DAPK3: variants seen among roughly 807,000 people sequenced by gnomAD.
DAPK3 encodes death associated protein kinase 3, also known as death-associated protein kinase 3.
A neutral mutation model predicts 30.6 loss-of-function variants in DAPK3; 24 were observed. The observed-to-expected ratio is 0.78, with a 90% confidence interval of 0.57 to 1.10. DAPK3 has a LOEUF of 1.10. DAPK3 is among the 50% of genes least tolerant of loss of function. The pLI, the probability that DAPK3 is intolerant of heterozygous loss-of-function variation, is 0.00. For missense variants in DAPK3, 629 were observed against 657.3 expected, an observed-to-expected ratio of 0.96 and a Z score of 0.47; for synonymous variants, 341 against 284.0, an observed-to-expected ratio of 1.20 and a Z score of -2.02.
chr19:3,963,857 G>A lies in DAPK3; in HGVS notation c.602+14C>T. 3.9e-6 allele frequency: 6 copies of A among 1,556,218 alleles called. No homozygotes were observed. Among genetic ancestry groups the A allele is most frequent in the Non-Finnish European group, 5.3e-6 (6 of 1,130,342 alleles). On this transcript the variant is annotated intron_variant, in intron 5 of 8. Transcript: ENST00000545797. ...AATGCAGGGAGGCCCGGTGGGAGCA[G>A]GTGGTACACTCACCACATGTCCGCC... is the stretch of plus-strand genomic sequence containing the variant.
intron 2 of DAPK3, 38 bp from the exon 3 acceptor site, chr19:3,965,029 G>A: frequency 8.4e-7 from 1 of 1,194,498 alleles, no homozygotes; most frequent in Non-Finnish European, 1.2e-6. Context: ...GGTGGAGGAG[G>A]CGGAGGGAGT....
rs1365999138 is a variant in DAPK3, at chr19:3,959,195, G to A, written c.1271C>T (p.Ala424Val). 2.5e-6 allele frequency: 4 copies of A among 1,599,042 alleles called. No homozygotes were observed. Among genetic ancestry groups the A allele is most frequent in the Non-Finnish European group, 3.4e-6 (4 of 1,177,282 alleles). Residue 424 changes from alanine to valine, a missense_variant, in exon 9 of 9, where the codon GCC (alanine) becomes GTC (valine). Ala to Val is a moderately conservative substitution (Grantham distance 64). This residue lies in a region of DAPK3 where 323 missense variants were observed against 278.8 expected (regional missense o/e 1.16). Coordinates refer to ENST00000545797, the MANE Select transcript of DAPK3 (RefSeq NM_001348.3). ...SRLENRYEAL[A>V]KQVASEMRFV... ...GCGCATCTCGGAGGCTACTTGCTTG[G>A]CCAGCGCCTCGTAGCGGTTCTCCAG...
chr19:3,958,895 G>T lies in DAPK3; in HGVS notation c.*206C>A. The T allele has an allele frequency of 1.7e-6, 1 of 583,524 alleles. No homozygotes were observed. The highest frequency in any genetic ancestry group is 2.9e-5 in the East Asian group (1 of 34,396). 36.1% of individuals were successfully genotyped at this position (583,524 alleles called of 1,614,324 possible). A position where few individuals can be genotyped will look rare whatever the true frequency, so the allele number is the denominator to read the frequency against. The stretch of plus-strand genomic sequence containing the variant: ...GGGTGAAGGTGAAGGCCAGCGTGGA[G>T]GCTGTGTAGAGAAGCAGCCCCGTCC... On this transcript the variant is annotated 3_prime_UTR_variant, in exon 9 of 9. Transcript: ENST00000545797.
rs202008826 is a variant in DAPK3, at chr19:3,964,712, G to A, written c.342C>T (p.Asp114=). ...FLAEKESLTE[D]EATQFLKQIL... is the part of the protein sequence containing the mutation. Reference sequence around the variant, plus strand: ...TCTGCTTGAGGAACTGGGTGGCCTCGTCCTCCGTCAGCGACTCCTTCTCCG... The same window carrying A: ...TCTGCTTGAGGAACTGGGTGGCCTCATCCTCCGTCAGCGACTCCTTCTCCG... The change falls in exon 3 of 9, where the codon GAC becomes GAT. Residue 114 remains aspartate (D), a synonymous_variant. Coordinates refer to ENST00000545797, the MANE Select transcript of DAPK3 (RefSeq NM_001348.3). The A allele has an allele frequency of 8.1e-5, 131 of 1,612,360 alleles. No homozygotes were observed. In the South Asian group the frequency reaches 8.8e-4, roughly 11 times the overall value.
rs1248808528 is a variant in DAPK3, at chr19:3,964,725, G to A, written c.329C>T (p.Ser110Leu). ...CTGGGTGGCCTCGTCCTCCGTCAGC[G>A]ACTCCTTCTCCGCCAGGAAGTCAAA... The part of the protein sequence containing the change: ...ELFDFLAEKE[S>L]LTEDEATQFL... Residue 110 changes from serine to leucine, a missense_variant, in exon 3 of 9, where the codon TCG becomes TTG. Ser to Leu is a moderately radical substitution (Grantham distance 145). Transcript: ENST00000545797. The A allele has an allele frequency of 9.3e-6, 15 of 1,612,638 alleles. No homozygotes were observed. Among genetic ancestry groups the A allele is most frequent in the South Asian group, 5.5e-5 (5 of 91,030 alleles).
rs1380644923 is a variant in DAPK3, at chr19:3,963,922, G to A, written c.554-3C>T. 5.7e-6 allele frequency: 9 copies of A among 1,592,364 alleles called. No homozygotes were observed. Among genetic ancestry groups the A allele is most frequent in the Non-Finnish European group, 7.7e-6 (9 of 1,162,324 alleles). ...CTCATAGTTCACAATCTCTGGGGCTGCAGAACAGGGAGATGTGGGTCAGGC... is the reference window on the plus strand; with the variant it reads ...CTCATAGTTCACAATCTCTGGGGCTACAGAACAGGGAGATGTGGGTCAGGC... On this transcript the variant is annotated splice_polypyrimidine_tract_variant and splice_region_variant and intron_variant, in intron 4 of 8. Coordinates refer to ENST00000545797, the MANE Select transcript of DAPK3 (RefSeq NM_001348.3).
At position 3,959,007 on chromosome 19, in the gene DAPK3, G is replaced by C; in HGVS notation, c.*94C>G. 1 of 809,930 alleles carries C rather than the reference G, an allele frequency of 1.2e-6. No individual in the cohort carries two copies. The highest frequency in any genetic ancestry group is 1.9e-5 in the South Asian group (1 of 53,588). The allele number at this position is 809,930 out of a possible 1,614,324, so 50.2% of individuals were successfully genotyped here. A position where few individuals can be genotyped will look rare whatever the true frequency, so the allele number is the denominator to read the frequency against. On this transcript the variant is annotated 3_prime_UTR_variant, in exon 9 of 9. Transcript: ENST00000545797. ...GCCTGGTGGCGCTGGGCAAGGACAG[G>C]CACCCGGGCGATGGGAGGCGCAGCG... is the stretch of plus-strand genomic sequence containing the variant.
chr19:3,960,904 A>T (rs1482346202), intron 7 of DAPK3, 105 bp downstream of exon 7: 1 of 1,241,254 alleles, frequency 8.1e-7, no homozygotes, highest in East Asian at 2.5e-5. Flanking sequence ...TCTGATCCCC[A>T]GCCGCAGGGA....
At chr19:3,968,322 C>T (rs554448753) in intron 2 of DAPK3, among the ~76,000 whole-genome samples, 2 of 152,274 alleles carry the variant, frequency 1.3e-5, no homozygotes, top group South Asian at 4.1e-4. Flanking sequence ...TGGTGAAATC[C>T]TGTCTCTACT....
intron 2 of DAPK3, among the ~76,000 whole-genome samples, chr19:3,967,790 T>C (rs938893478): frequency 2.0e-5 from 3 of 152,106 alleles, no homozygotes; most frequent in African/African-American, 4.8e-5. Flanking sequence ...TTCTGGGCCT[T>C]CATCTTGCAC....
chr19:3,962,472 C>T (rs919143050), intron 6 of DAPK3, among the ~76,000 whole-genome samples: 2 of 152,164 alleles, frequency 1.3e-5, no homozygotes, highest in African/African-American at 4.8e-5. Flanking sequence ...TCCACCTCTA[C>T]AAAAACTTTT....
intron 4 of DAPK3, 67 bp downstream of exon 4, chr19:3,964,177 C>G (rs2039548916): frequency 3.6e-6 from 5 of 1,394,982 alleles, no homozygotes; most frequent in Non-Finnish European, 2.0e-6. Flanking sequence ...ATGACCCACC[C>G]CACGCACAGC....
intron 2 of DAPK3, among the ~76,000 whole-genome samples, chr19:3,967,385 G>A (rs977624671): frequency 3.3e-5 from 5 of 152,040 alleles, no homozygotes; most frequent in Admixed American, 2.0e-4. Flanking sequence ...CCTGGGAGAC[G>A]GAGGTTGCAG....
At chr19:3,969,331 G>A (rs1388881096) in intron 2 of DAPK3, among the ~76,000 whole-genome samples, 1 of 151,914 alleles carries the variant, frequency 6.6e-6, no homozygotes, top group Non-Finnish European at 1.5e-5. Flanking sequence ...ATTTTTTGTA[G>A]GGATGGAGTC....
intron 2 of DAPK3, 57 bp from the exon 3 acceptor site, chr19:3,965,048 G>A: frequency 2.1e-6 from 2 of 937,438 alleles, no homozygotes; most frequent in Non-Finnish European, 3.4e-6. Flanking sequence ...GTAAGTGGGG[G>A]TGGCTGGCTC....
chr19:3,970,429 C>T (rs542293291), intron 1 of DAPK3, among the ~76,000 whole-genome samples: 81 of 152,200 alleles, frequency 5.3e-4, no homozygotes, highest in African/African-American at 1.9e-3. Flanking sequence ...ACTACCTTAA[C>T]CCCTCCTGGT....
rs1034652061 is a variant in DAPK3, at chr19:3,959,518, G to T, written c.948C>A (p.Asn316Lys). The T allele has an allele frequency of 1.9e-6, 3 of 1,569,182 alleles. No individual in the cohort carries two copies. Among genetic ancestry groups the T allele is most frequent in the Non-Finnish European group, 1.7e-6 (2 of 1,165,598 alleles). Residue 316 changes from asparagine to lysine, a missense_variant, in exon 9 of 9, where the codon AAC (asparagine) becomes AAA (lysine). Transcript: ENST00000545797. Reference protein sequence around the residue: ...TIKSHSSLPPNNSYADFERFS... With the variant: ...TIKSHSSLPPKNSYADFERFS... ...AGCGCTCGAAGTCGGCGTAGCTGTT[G>T]TTGGGCGGCAAGCTGGAGTGCGACT... is the stretch of plus-strand genomic sequence containing the variant.
chr19:3,962,855 C>T (rs868385828), intron 6 of DAPK3, among the ~76,000 whole-genome samples: 1 of 150,792 alleles, frequency 6.6e-6, no homozygotes. Flanking sequence ...AATCCCAGCA[C>T]TTTGGGAAGC....
intron 6 of DAPK3, chr19:3,961,391 G>C (rs1037271221): frequency 1.5e-6 from 1 of 684,074 alleles, no homozygotes; most frequent in Non-Finnish European, 2.8e-6. Context: ...GAAATGAACA[G>C]GCAGAAGTCT....
Sources: allele counts gnomAD v4.1 joint callset (sites outside exome capture counted in the v4.1 genomes callset), GRCh38; gene constraint gnomAD v4.1.1; regional missense constraint gnomAD v4.1.1; transcripts MANE v1.5; gene names NCBI Gene and HGNC (gene_info 2026-07-23, HGNC 2026-07-21).